HTR1F: variants seen among roughly 807,000 people sequenced by gnomAD.
HTR1F encodes 5-hydroxytryptamine (serotonin) receptor 1F, G protein-coupled.
HTR1F carries 17 observed loss-of-function variants against 24.0 expected under a neutral mutation model. That is an observed-to-expected ratio of 0.71 (90% CI 0.48 to 1.06). The LOEUF (loss-of-function observed/expected upper bound fraction) is 1.06. Among genes scored for constraint, HTR1F ranks in the 50% least tolerant of loss-of-function variants. The probability of loss-of-function intolerance (pLI) is 0.00; values close to 1 mark genes in which losing one functional copy is unlikely to be tolerated. For synonymous variants in HTR1F, 186 were observed against 156.8 expected (o/e 1.19, Z -1.39); for missense variants, 391 against 427.8 (o/e 0.91, Z 0.76).
chr3:87,909,206 T>G (rs1243904501), intron 2 of HTR1F, among the ~76,000 whole-genome samples: 2 of 151,894 alleles, frequency 1.3e-5, no homozygotes, highest in Admixed American at 1.3e-4. Flanking sequence ...TGGTGTGGAG[T>G]GGCTATATGG....
chr3:87,941,301 CCT>C (rs1424601891), intron 2 of HTR1F, among the ~76,000 whole-genome samples: 3 of 152,102 alleles, frequency 2.0e-5, no homozygotes, highest in African/African-American at 7.2e-5. Context: ...GCCAAGGAAC[CCT>C]CTTAGTTGCT....
chr3:87,888,678 G>A (rs1706012598), intron 2 of HTR1F, among the ~76,000 whole-genome samples: 1 of 152,010 alleles, frequency 6.6e-6, no homozygotes, highest in Non-Finnish European at 1.5e-5. Context: ...CATAAGCTCT[G>A]CAATCTCTTT....
At chr3:87,851,087 A>G (rs370982778) in intron 2 of HTR1F, among the ~76,000 whole-genome samples, 3 of 151,876 alleles carry the variant, frequency 2.0e-5, no homozygotes, top group East Asian at 1.9e-4. Flanking sequence ...TTTTTGTCCC[A>G]CTGAAGTAAA....
At position 87,931,004 on chromosome 3, in the gene HTR1F, G is replaced by C. The variant is rs1448309169; in HGVS notation, c.-42-59704G>C. On this transcript the variant is annotated intron_variant, in intron 2 of 2. Transcript: ENST00000319595. Reference sequence around the variant, plus strand: ...CTCTATGTCATTCTTTTCAACAACAGCATACTGTGCCATAGTCTTTCCTTT... The same window carrying C: ...CTCTATGTCATTCTTTTCAACAACACCATACTGTGCCATAGTCTTTCCTTT... Among the ~76,000 whole-genome samples the C allele has an allele frequency of 3.4e-5, 5 of 146,526 alleles. No homozygotes were observed. In the East Asian group the frequency reaches 8.0e-4, roughly 23 times the overall value.
intron 2 of HTR1F, among the ~76,000 whole-genome samples, chr3:87,837,858 T>C (rs1704715346): frequency 6.6e-6 from 1 of 152,090 alleles, no homozygotes; most frequent in Non-Finnish European, 1.5e-5. Context: ...ATATTATTGT[T>C]ACAGTATAAT....
At chr3:87,841,883 A>C (rs1370767443) in intron 2 of HTR1F, among the ~76,000 whole-genome samples, 1 of 143,912 alleles carries the variant, frequency 6.9e-6, no homozygotes, top group East Asian at 2.2e-4. Flanking sequence ...CTGGGCAACA[A>C]GAGTGAGATT....
chr3:87,803,602 A>T (rs1465968547), intron 1 of HTR1F, among the ~76,000 whole-genome samples: 1 of 152,176 alleles, frequency 6.6e-6, no homozygotes, highest in African/African-American at 2.4e-5. Context: ...GCAGCATCTA[A>T]TTTGACATAA....
chr3:87,876,136 C>G (rs2107268585), intron 2 of HTR1F, among the ~76,000 whole-genome samples: 1 of 152,224 alleles, frequency 6.6e-6, no homozygotes, highest in Non-Finnish European at 1.5e-5. Flanking sequence ...GAATTGGAGA[C>G]TTTGTGTGCT....
intron 2 of HTR1F, among the ~76,000 whole-genome samples, chr3:87,946,295 G>A (rs1283515574): frequency 5.3e-5 from 8 of 152,094 alleles, no homozygotes; most frequent in South Asian, 2.1e-4. Flanking sequence ...TAACAAACAC[G>A]GACCAGAAGA....
chr3:87,945,595 C>A (rs1389254132), intron 2 of HTR1F, among the ~76,000 whole-genome samples: 1 of 152,138 alleles, frequency 6.6e-6, no homozygotes, highest in African/African-American at 2.4e-5. Context: ...AGTTGGCCAT[C>A]GGCTTCCCCA....
intron 2 of HTR1F, among the ~76,000 whole-genome samples, chr3:87,875,784 C>T (rs1039530076): frequency 6.6e-6 from 1 of 151,602 alleles, no homozygotes; most frequent in African/African-American, 2.4e-5. Flanking sequence ...ATTAGCTGGG[C>T]ATGGTGGTGG....
Position 87,991,046 on chromosome 3 carries a change from G to T in HTR1F, c.297G>T (p.Trp99Cys). Reference sequence around the variant, plus strand: ...TGGGGCAAGTGGTCTGTGACATTTGGCTGAGTGTTGACATTACCTGCTGCA... The same window carrying T: ...TGGGGCAAGTGGTCTGTGACATTTGTCTGAGTGTTGACATTACCTGCTGCA... Reference protein sequence around the residue: ...WIMGQVVCDIWLSVDITCCTC... With the variant: ...WIMGQVVCDICLSVDITCCTC... Residue 99 changes from tryptophan to cysteine, a missense_variant, in exon 3 of 3, where the codon TGG (tryptophan) becomes TGT (cysteine). By Grantham distance (215) the Trp-to-Cys change is radical. Transcript: ENST00000319595. 6.2e-7 allele frequency: 1 copy of T among 1,613,978 alleles called. No individual in the cohort carries two copies.
At chr3:87,935,355 C>T (rs1704386551) in intron 2 of HTR1F, among the ~76,000 whole-genome samples, 4 of 152,220 alleles carry the variant, frequency 2.6e-5, no homozygotes, top group Non-Finnish European at 5.9e-5. Flanking sequence ...GCATTGACTG[C>T]TCTTTAAGAG....
intron 2 of HTR1F, among the ~76,000 whole-genome samples, chr3:87,858,619 G>T (rs1705250951): frequency 6.6e-6 from 1 of 151,544 alleles, no homozygotes; most frequent in African/African-American, 2.4e-5. Context: ...ACCTGTAATT[G>T]CTTGTAAAAT....
chr3:87,939,332 TTC>T (rs1331701691), intron 2 of HTR1F, among the ~76,000 whole-genome samples: 10 of 152,204 alleles, frequency 6.6e-5, no homozygotes, highest in African/African-American at 2.2e-4. Flanking sequence ...GCCTGAAATT[TTC>T]TGTTTTTTGT....
chr3:87,887,942 C>T (rs975680366), intron 2 of HTR1F, among the ~76,000 whole-genome samples: 1 of 152,112 alleles, frequency 6.6e-6, no homozygotes, highest in African/African-American at 2.4e-5. Flanking sequence ...CTAGAAATAC[C>T]ATTTGACCCA....
At chr3:87,870,524 G>C (rs1315391891) in intron 2 of HTR1F, among the ~76,000 whole-genome samples, 1 of 152,050 alleles carries the variant, frequency 6.6e-6, no homozygotes, top group African/African-American at 2.4e-5. Flanking sequence ...AACCAGCACA[G>C]CTTGGTGCAA....
At chr3:87,881,396 G>A (rs1199540592) in intron 2 of HTR1F, among the ~76,000 whole-genome samples, 1 of 152,158 alleles carries the variant, frequency 6.6e-6, no homozygotes, top group Non-Finnish European at 1.5e-5. Flanking sequence ...TGCCATTGCT[G>A]AGGCTTGAGT....
At chr3:87,964,092 A>G (rs1576096073) in intron 2 of HTR1F, among the ~76,000 whole-genome samples, 1 of 152,132 alleles carries the variant, frequency 6.6e-6, no homozygotes, top group Non-Finnish European at 1.5e-5. Context: ...AAGCCCCTTG[A>G]GGCTCTTTTT....
Sources: allele counts gnomAD v4.1 joint callset (sites outside exome capture counted in the v4.1 genomes callset), GRCh38; gene constraint gnomAD v4.1.1; transcripts MANE v1.5; gene names NCBI Gene and HGNC (gene_info 2026-07-23, HGNC 2026-07-21).